DPYSL2: variants seen among roughly 807,000 people sequenced by gnomAD.
DPYSL2 encodes the protein dihydropyrimidinase-related protein 2.
Under a neutral mutation model 69.9 loss-of-function variants are expected in DPYSL2, and 13 were observed. The ratio of observed to expected loss-of-function variants is 0.19; its 90% CI spans 0.12 to 0.30. The LOEUF (loss-of-function observed/expected upper bound fraction) is 0.30. Among genes scored for constraint, DPYSL2 ranks in the 10% least tolerant of loss-of-function variants. The pLI, the probability that DPYSL2 is intolerant of heterozygous loss-of-function variation, is 1.00. For synonymous variants in DPYSL2, 326 were observed against 359.1 expected, an observed-to-expected ratio of 0.91 and a Z score of 1.04; for missense variants, 587 against 918.9, an observed-to-expected ratio of 0.64 and a Z score of 4.67.
chr8:26,521,520 A>C (rs1359820692), intron 1 of DPYSL2, among the ~76,000 whole-genome samples: 1 of 152,128 alleles, frequency 6.6e-6, no homozygotes, highest in Non-Finnish European at 1.5e-5. Flanking sequence ...ACTTAACATA[A>C]AATTCTTATT....
At chr8:26,589,998 G>A (rs904942130) in intron 3 of DPYSL2, among the ~76,000 whole-genome samples, 5 of 152,192 alleles carry the variant, frequency 3.3e-5, no homozygotes, top group African/African-American at 7.2e-5. Flanking sequence ...ATGTCACTGC[G>A]GTACATCCAC....
chr8:26,631,932 C>A (rs1191560630), intron 7 of DPYSL2, among the ~76,000 whole-genome samples: 5 of 152,154 alleles, frequency 3.3e-5, no homozygotes. Context: ...AAGTATGGAA[C>A]AATTTTGTGT....
Position 26,620,121 on chromosome 8 carries a change from T to C in DPYSL2, c.629-4022T>C, listed in dbSNP as rs946406542. ...GACTGCAGGTGGGTACAGCCTTTCT[T>C]TTTTGGTGATGTTCTAAATCTAGAT... On this transcript the variant is annotated intron_variant, in intron 3 of 13. Transcript: ENST00000521913. The surrounding 1 kb of genome is among the most constrained non-coding windows in gnomAD (Gnocchi z 4.5). The C allele has an allele frequency of 1.3e-5, 2 of 152,316 alleles. No homozygotes were observed. Among genetic ancestry groups the C allele is most frequent in the African/African-American group, 4.8e-5 (2 of 41,430 alleles). The allele number at this position is 152,316 out of a possible 1,614,324, so 9.4% of individuals were successfully genotyped here.
chr8:26,569,393 A>T (rs919721606), intron 1 of DPYSL2, among the ~76,000 whole-genome samples: 8 of 151,628 alleles, frequency 5.3e-5, no homozygotes, highest in Non-Finnish European at 8.8e-5. Flanking sequence ...AAAACCAAAG[A>T]AAAACCCAAA....
chr8:26,571,201 G>A lies in DPYSL2; in HGVS notation c.355-10768G>A, dbSNP rs1221404075. ...TATAAATAGAGGGTGGAGTGGGCTGGATCTGTCGCTAAGTGTCCAGAAGTA... is the reference window on the plus strand; with the variant it reads ...TATAAATAGAGGGTGGAGTGGGCTGAATCTGTCGCTAAGTGTCCAGAAGTA... On this transcript the variant is annotated intron_variant, in intron 1 of 13. Transcript: ENST00000521913. This position sits in a 1 kb window ranked among gnomAD's most constrained non-coding sequence, Gnocchi z 6.1. Among the ~76,000 whole-genome samples the A allele has an allele frequency of 6.6e-6, 1 of 152,126 alleles. No individual in the cohort carries two copies.
intron 13 of DPYSL2, 119 bp from the exon 14 acceptor site, chr8:26,655,496 C>A: frequency 3.4e-6 from 3 of 876,150 alleles, no homozygotes; most frequent in East Asian, 2.7e-5. Context: ...ACGCTGTCTC[C>A]AAAAAAAAAG....
chr8:26,648,390 G>A lies in DPYSL2; in HGVS notation c.1596+590G>A, dbSNP rs1803215899. Among the ~76,000 whole-genome samples the A allele has an allele frequency of 6.6e-6, 1 of 152,166 alleles. No individual in the cohort carries two copies. Among genetic ancestry groups the A allele is most frequent in the South Asian group, 2.1e-4 (1 of 4,830 alleles). On this transcript the variant is annotated intron_variant, in intron 11 of 13. Coordinates refer to ENST00000521913, the MANE Select transcript of DPYSL2 (RefSeq NM_001197293.3). The surrounding 1 kb of genome is among the most constrained non-coding windows in gnomAD (Gnocchi z 4.3). ...CTTCCCTCTGGGTCTGGGCTTTAGA[G>A]CTTAGAGATGTCCTCTCTTGTTAAC...
chr8:26,629,942 C>G (rs958265518), intron 7 of DPYSL2, among the ~76,000 whole-genome samples: 7 of 151,654 alleles, frequency 4.6e-5, no homozygotes. Context: ...TCCACGTGCA[C>G]AAGCACACAC....
chr8:26,545,793 A>G, intron 1 of DPYSL2, among the ~76,000 whole-genome samples: 1 of 152,080 alleles, frequency 6.6e-6, no homozygotes, highest in East Asian at 1.9e-4. Context: ...CTCAGCATTG[A>G]ATTTCCCTGC....
intron 3 of DPYSL2, among the ~76,000 whole-genome samples, chr8:26,623,438 C>T (rs1168797363): frequency 1.3e-5 from 2 of 152,102 alleles, no homozygotes; most frequent in African/African-American, 4.8e-5. Flanking sequence ...TTTAAAGCAG[C>T]ACAGAAATTA....
chr8:26,547,061 C>T (rs1800783316), intron 1 of DPYSL2, among the ~76,000 whole-genome samples: 1 of 150,776 alleles, frequency 6.6e-6, no homozygotes, highest in East Asian at 2.0e-4. Flanking sequence ...AGCCCATACA[C>T]AGAATCAAAG....
At chr8:26,542,065 G>A (rs1031905211) in intron 1 of DPYSL2, among the ~76,000 whole-genome samples, 2 of 152,156 alleles carry the variant, frequency 1.3e-5, no homozygotes, top group African/African-American at 4.8e-5. Flanking sequence ...GAGCCCAGGA[G>A]TTTGAGACCA....
intron 3 of DPYSL2, among the ~76,000 whole-genome samples, chr8:26,604,499 T>G (rs562044044): frequency 0.013 from 2,007 of 152,308 alleles, 29 homozygotes; most frequent in Non-Finnish European, 0.017. Flanking sequence ...GGTGAGAACC[T>G]GCCTGCCTCA....
chr8:26,614,231 T>C lies in DPYSL2; in HGVS notation c.629-9912T>C, dbSNP rs1585547144. Among the ~76,000 whole-genome samples the C allele has an allele frequency of 6.6e-6, 1 of 152,300 alleles. No homozygotes were observed. The highest frequency in any genetic ancestry group is 1.9e-4 in the East Asian group (1 of 5,190). On this transcript the variant is annotated intron_variant, in intron 3 of 13. Transcript: ENST00000521913. The surrounding 1 kb of genome is among the most constrained non-coding windows in gnomAD (Gnocchi z 4.9). ...ATGGGAAGTAAATTTGCAAGATTGCTGTCTGGGAGCTGGACAGACAGGAAG... is the reference window on the plus strand; with the variant it reads ...ATGGGAAGTAAATTTGCAAGATTGCCGTCTGGGAGCTGGACAGACAGGAAG...
intron 3 of DPYSL2, among the ~76,000 whole-genome samples, chr8:26,616,716 G>C (rs944851044): frequency 2.0e-5 from 3 of 152,214 alleles, no homozygotes; most frequent in African/African-American, 7.2e-5. Flanking sequence ...TCGGAGGGCT[G>C]AGTGATGGCT....
intron 1 of DPYSL2, chr8:26,578,372 G>A: frequency 6.3e-7 from 1 of 1,599,428 alleles, no homozygotes; most frequent in African/African-American, 1.4e-5. Flanking sequence ...TTTTAAAAAG[G>A]AGGGGAAAGG....
At position 26,627,198 on chromosome 8, in the gene DPYSL2, C is replaced by T. The variant is rs575625258; in HGVS notation, c.856-17C>T. On this transcript the variant is annotated splice_polypyrimidine_tract_variant and intron_variant, in intron 5 of 13. Coordinates refer to ENST00000521913, the MANE Select transcript of DPYSL2 (RefSeq NM_001197293.3). This position sits in a 1 kb window ranked among gnomAD's most constrained non-coding sequence, Gnocchi z 6.9. The stretch of plus-strand genomic sequence containing the variant: ...TGGAAGTCCCTGTCTCTGATCCCAC[C>T]CTTGTCTCTCTCTCAGATTTATGAA... The T allele has an allele frequency of 6.2e-7, 1 of 1,613,004 alleles. No homozygotes were observed. Among genetic ancestry groups the T allele is most frequent in the East Asian group, 2.2e-5 (1 of 44,878 alleles).
chr8:26,575,032 C>T (rs1323889320), intron 1 of DPYSL2, among the ~76,000 whole-genome samples: 2 of 152,260 alleles, frequency 1.3e-5, no homozygotes, highest in Admixed American at 6.5e-5. Flanking sequence ...CTCCCGGATT[C>T]AAGTGATTCT....
chr8:26,540,335 G>T (rs1800658504), intron 1 of DPYSL2, among the ~76,000 whole-genome samples: 1 of 151,964 alleles, frequency 6.6e-6, no homozygotes, highest in Non-Finnish European at 1.5e-5. Flanking sequence ...ATAAAAAAAT[G>T]AAAAAAGTGA....
Sources: gnomAD v4.1 joint callset for allele counts (sites outside exome capture counted in the v4.1 genomes callset) on GRCh38, gnomAD v4.1.1 for gene constraint, Gnocchi (gnomAD v3.1) non-coding constraint, MANE v1.5 for transcripts, NCBI Gene and HGNC (gene_info 2026-07-23, HGNC 2026-07-21) for gene names.